Variants in SLC39A11 observed in about 807,000 individuals in gnomAD.
The protein encoded by SLC39A11 is zinc transporter ZIP11.
A neutral mutation model predicts 36.1 loss-of-function variants in SLC39A11; 33 were observed. That is an observed-to-expected ratio of 0.91 (90% confidence interval 0.69 to 1.22). The LOEUF (loss-of-function observed/expected upper bound fraction) is 1.22, where lower values mean the gene tolerates loss of function less well. Ranked by LOEUF, SLC39A11 falls within the 50% of genes most tolerant of loss-of-function variation. The probability of loss-of-function intolerance (pLI) is 0.00; values close to 1 mark genes in which losing one functional copy is unlikely to be tolerated. For synonymous variants in SLC39A11, 166 were observed against 170.3 expected (o/e 0.97, Z 0.20); for missense variants, 432 against 430.3 (o/e 1.00, Z -0.03).
chr17:72,788,939 T>C (rs2076605549), intron 6 of SLC39A11, among the ~76,000 whole-genome samples: 1 of 152,234 alleles, frequency 6.6e-6, no homozygotes, highest in Non-Finnish European at 1.5e-5. Flanking sequence ...CATTATAGCA[T>C]GTTTTCTTTT....
At chr17:72,649,540 C>T (rs943301593) in intron 7 of SLC39A11, among the ~76,000 whole-genome samples, 15 of 152,250 alleles carry the variant, frequency 9.9e-5, no homozygotes, top group African/African-American at 3.4e-4. Flanking sequence ...GCACAGAACA[C>T]ACTGGCTGGC....
At chr17:72,928,182 C>T (rs1401630440) in intron 5 of SLC39A11, among the ~76,000 whole-genome samples, 2 of 152,188 alleles carry the variant, frequency 1.3e-5, no homozygotes, top group Admixed American at 6.5e-5. Flanking sequence ...TTTGTAATTA[C>T]TGTGTAATTG....
At chr17:72,667,353 G>A (rs2070801288) in intron 7 of SLC39A11, among the ~76,000 whole-genome samples, 1 of 152,192 alleles carries the variant, frequency 6.6e-6, no homozygotes, top group African/African-American at 2.4e-5. Flanking sequence ...GGTGCAGGGG[G>A]CGCTTTAGAA....
chr17:72,983,809 C>T (rs1378015968), intron 4 of SLC39A11, among the ~76,000 whole-genome samples: 1 of 152,086 alleles, frequency 6.6e-6, no homozygotes, highest in Non-Finnish European at 1.5e-5. Context: ...AGAACGAAGT[C>T]GGAAGAAAAG....
At chr17:72,809,048 G>A (rs898641950) in intron 6 of SLC39A11, among the ~76,000 whole-genome samples, 1 of 152,168 alleles carries the variant, frequency 6.6e-6, no homozygotes, top group African/African-American at 2.4e-5. Context: ...TGTGCTGTGG[G>A]CAAGAAGAAC....
At chr17:72,665,389 G>GTTTT (rs780329919) in intron 7 of SLC39A11, among the ~76,000 whole-genome samples, 1,805 of 76,508 alleles carry the variant, frequency 0.024, 237 homozygotes, top group African/African-American at 0.062. Context: ...GTTTTGAGGT[G>GTTTT]TTTTTTTTTT....
At chr17:72,810,686 A>G (rs1471277346) in intron 6 of SLC39A11, among the ~76,000 whole-genome samples, 1 of 151,936 alleles carries the variant, frequency 6.6e-6, no homozygotes, top group African/African-American at 2.4e-5. Context: ...ACATATGTAA[A>G]AATTCTTTTT....
chr17:72,761,728 T>G (rs2075585825), intron 6 of SLC39A11, among the ~76,000 whole-genome samples: 1 of 152,198 alleles, frequency 6.6e-6, no homozygotes, highest in Non-Finnish European at 1.5e-5. Flanking sequence ...AAGTGTGGGT[T>G]TGGCCCAGGA....
At chr17:72,996,849 T>C (rs2089546043) in intron 4 of SLC39A11, among the ~76,000 whole-genome samples, 2 of 152,186 alleles carry the variant, frequency 1.3e-5, no homozygotes. Context: ...CAGTGGTATG[T>C]GGATGGAAGT....
At chr17:72,796,530 G>A (rs149271422) in intron 6 of SLC39A11, among the ~76,000 whole-genome samples, 1 of 152,282 alleles carries the variant, frequency 6.6e-6, no homozygotes, top group East Asian at 1.9e-4. Flanking sequence ...GCACAGCCCA[G>A]GGCATGCCAG....
chr17:72,975,265 C>A (rs774407617), intron 4 of SLC39A11, among the ~76,000 whole-genome samples: 10 of 151,998 alleles, frequency 6.6e-5, no homozygotes, highest in Non-Finnish European at 1.2e-4. Context: ...ATGGTGAAAC[C>A]CTGTCCCTAC....
chr17:72,943,974 A>G (rs1361604158), intron 5 of SLC39A11, among the ~76,000 whole-genome samples: 1 of 152,220 alleles, frequency 6.6e-6, no homozygotes, highest in Non-Finnish European at 1.5e-5. Context: ...ATTAAGAAGC[A>G]GACACCACAT....
At chr17:72,922,605 G>C (rs2083739457) in intron 5 of SLC39A11, among the ~76,000 whole-genome samples, 1 of 152,132 alleles carries the variant, frequency 6.6e-6, no homozygotes. Context: ...CTTCCCTAAG[G>C]AGCTTTTAAG....
intron 7 of SLC39A11, among the ~76,000 whole-genome samples, chr17:72,654,890 C>T (rs2070034772): frequency 6.6e-6 from 1 of 152,226 alleles, no homozygotes; most frequent in Non-Finnish European, 1.5e-5. Context: ...TGACTACAGC[C>T]ATCGCCCGGC....
chr17:72,732,475 T>C (rs1011514668), intron 7 of SLC39A11, among the ~76,000 whole-genome samples: 2 of 152,196 alleles, frequency 1.3e-5, no homozygotes, highest in African/African-American at 4.8e-5. Flanking sequence ...TTCTCTGGAC[T>C]GTTTCTTAGA....
intron 6 of SLC39A11, among the ~76,000 whole-genome samples, chr17:72,802,311 C>T (rs1229474715): frequency 6.6e-6 from 1 of 152,064 alleles, no homozygotes; most frequent in Non-Finnish European, 1.5e-5. Context: ...TATGGGTGGC[C>T]AGACACGGTA....
In SLC39A11 at chr17:72,924,137, C is replaced by T. The variant is rs1369429854; in HGVS notation, c.430+23615G>A. Among the ~76,000 whole-genome samples the T allele has an allele frequency of 2.1e-5, 3 of 142,846 alleles. No individual in the cohort carries two copies. In the Admixed American group the frequency reaches 2.1e-4, roughly 10 times the overall value. The allele number at this position is 142,846 out of a possible 152,430, so 93.7% of individuals were successfully genotyped here. A position where few individuals can be genotyped will look rare whatever the true frequency, so the allele number is the denominator to read the frequency against. ...CTCCAGCATGGGTGACAGAGTGAGACCCCGTCTCAAAAAAAAAAAAAAAAA... is the reference window on the plus strand; with the variant it reads ...CTCCAGCATGGGTGACAGAGTGAGATCCCGTCTCAAAAAAAAAAAAAAAAA... On this transcript the variant is annotated intron_variant, in intron 5 of 9. Transcript: ENST00000255559.
intron 4 of SLC39A11, among the ~76,000 whole-genome samples, chr17:72,984,378 TA>T (rs35999729): frequency 0.82 from 120,040 of 146,768 alleles, 49,978 homozygotes; most frequent in Middle Eastern, 0.92. Flanking sequence ...CTCAGACATT[TA>T]AAAAAAAAAA....
intron 6 of SLC39A11, among the ~76,000 whole-genome samples, chr17:72,810,973 C>A (rs529890169): frequency 6.6e-6 from 1 of 151,780 alleles, no homozygotes; most frequent in Non-Finnish European, 1.5e-5. Flanking sequence ...GGATTACAGG[C>A]GTGAGCCACC....
Sources: gnomAD v4.1 joint callset for allele counts (sites outside exome capture counted in the v4.1 genomes callset) on GRCh38, gnomAD v4.1.1 for gene constraint, MANE v1.5 for transcripts, NCBI Gene and HGNC (gene_info 2026-07-23, HGNC 2026-07-21) for gene names.